Variants in ERI3 observed in about 807,000 individuals in gnomAD.
ERI3 encodes ERI1 exoribonuclease 3.
A neutral mutation model predicts 44.4 loss-of-function variants in ERI3; 18 were observed. The observed-to-expected ratio is 0.41, with a 90% CI of 0.28 to 0.60. The LOEUF is 0.60. Ranked by LOEUF, ERI3 falls within the 20% of genes least tolerant of loss-of-function variation. The probability of loss-of-function intolerance (pLI) is 0.36; values close to 1 mark genes in which losing one functional copy is unlikely to be tolerated. For synonymous variants in ERI3, 183 were observed against 164.8 expected (o/e 1.11, Z -0.84); for missense variants, 294 against 435.5 (o/e 0.68, Z 2.89).
At chr1:44,238,520 C>T (rs1644360068) in intron 8 of ERI3, among the ~76,000 whole-genome samples, 1 of 152,058 alleles carries the variant, frequency 6.6e-6, no homozygotes, top group Admixed American at 6.5e-5. Context: ...CAAGCAAAGG[C>T]CTTTAGGGAA....
intron 6 of ERI3, among the ~76,000 whole-genome samples, chr1:44,291,024 T>C (rs1645496132): frequency 6.6e-6 from 1 of 152,092 alleles, no homozygotes; most frequent in Non-Finnish European, 1.5e-5. Context: ...CTGCACAAAT[T>C]GGTCCTTCCT....
At chr1:44,278,887 G>A (rs183504072) in intron 7 of ERI3, among the ~76,000 whole-genome samples, 1 of 152,302 alleles carries the variant, frequency 6.6e-6, no homozygotes, top group African/African-American at 2.4e-5. Context: ...ACAGGCATGA[G>A]CCACTGCATC....
intron 7 of ERI3, among the ~76,000 whole-genome samples, chr1:44,268,944 A>C (rs1176693473): frequency 6.6e-6 from 1 of 152,168 alleles, no homozygotes; most frequent in Non-Finnish European, 1.5e-5. Context: ...AAGCCAGCCC[A>C]AAATGTGACA....
At chr1:44,335,108 G>A (rs1032838419) in intron 3 of ERI3, among the ~76,000 whole-genome samples, 7 of 152,272 alleles carry the variant, frequency 4.6e-5, no homozygotes, top group South Asian at 2.1e-4. Flanking sequence ...AGGAGGCCGA[G>A]GTGGAAGTAT....
At chr1:44,349,648 A>C (rs745682190) in intron 2 of ERI3, among the ~76,000 whole-genome samples, 11 of 152,250 alleles carry the variant, frequency 7.2e-5, no homozygotes, top group Non-Finnish European at 1.3e-4. Flanking sequence ...AGTCACCCAA[A>C]TACTGGCTGC....
At chr1:44,324,802 A>T (rs911818128) in intron 3 of ERI3, among the ~76,000 whole-genome samples, 26 of 152,068 alleles carry the variant, frequency 1.7e-4, no homozygotes, top group African/African-American at 6.3e-4. Context: ...TTCAATGCTA[A>T]CACTGAAACA....
At chr1:44,247,163 C>G (rs1644571591) in intron 8 of ERI3, among the ~76,000 whole-genome samples, 1 of 152,162 alleles carries the variant, frequency 6.6e-6, no homozygotes, top group African/African-American at 2.4e-5. Flanking sequence ...CTGTTACACG[C>G]TCCCCAACAG....
Position 44,221,842 on chromosome 1 carries a change from G to A in ERI3, c.932-202C>T, listed in dbSNP as rs1354196241. 6.6e-6 allele frequency among the ~76,000 whole-genome samples: 1 copy of A among 152,146 alleles called. No homozygotes were observed. The highest frequency in any genetic ancestry group is 1.5e-5 in the Non-Finnish European group (1 of 68,026). ...CTGGGCCGGCAGGAAGCCTGGTCTC[G>A]ATGCTTCTCAGTTCCATAATTCATG... On this transcript the variant is annotated intron_variant, in intron 8 of 8. Transcript: ENST00000372257. The surrounding 1 kb of genome is among the most constrained non-coding windows in gnomAD (Gnocchi z 5.9).
rs1194743858 is a variant in ERI3, at chr1:44,259,725, A to ACACACACACACAC, written c.832-11688_832-11687insGTGTGTGTGTGTG. 1.4e-4 allele frequency among the ~76,000 whole-genome samples: 8 copies of ACACACACACACAC among 56,420 alleles called. No homozygotes were observed. The Admixed American group carries it at 1.4e-3, about 10-fold the overall frequency. The allele number at this position is 56,420 out of a possible 152,430, so 37.0% of individuals were successfully genotyped here. A position where few individuals can be genotyped will look rare whatever the true frequency, so the allele number is the denominator to read the frequency against. ...ACACACACACACACACACACACACA[A>ACACACACACACAC]ATTAGCCAGGCATGGTGACGTGCAC... On this transcript the variant is annotated intron_variant, in intron 7 of 8. Coordinates refer to ENST00000372257, the MANE Select transcript of ERI3 (RefSeq NM_024066.3).
chr1:44,269,987 C>T (rs1645059102), intron 7 of ERI3, among the ~76,000 whole-genome samples: 1 of 152,308 alleles, frequency 6.6e-6, no homozygotes, highest in East Asian at 1.9e-4. Flanking sequence ...TACTGATAAA[C>T]ATGGTGAAAC....
chr1:44,331,883 A>G lies in ERI3; in HGVS notation c.489+7162T>C, dbSNP rs866124800. ...TGAAAACTATGCAGCCCTCCCCCAC[A>G]CTGTGAGCAGGGTTGATCATTCCCA... On this transcript the variant is annotated intron_variant, in intron 3 of 8. Coordinates refer to ENST00000372257, the MANE Select transcript of ERI3 (RefSeq NM_024066.3). Among the ~76,000 whole-genome samples the G allele has an allele frequency of 2.6e-5, 4 of 152,036 alleles. No homozygotes were observed. In the South Asian group the frequency reaches 6.3e-4, roughly 24 times the overall value.
rs1460400186 is a variant in ERI3, at chr1:44,281,601, A to AAAAAAT, written c.831+3233_831+3234insATTTTT. Among the ~76,000 whole-genome samples the AAAAAAT allele has an allele frequency of 6.9e-3, 883 of 127,934 alleles. 1 individual carries two copies. The highest frequency in any genetic ancestry group is 0.016 in the East Asian group (77 of 4,798). The allele number at this position is 127,934 out of a possible 152,430, so 83.9% of individuals were successfully genotyped here. A position where few individuals can be genotyped will look rare whatever the true frequency, so the allele number is the denominator to read the frequency against. On this transcript the variant is annotated intron_variant, in intron 7 of 8. Transcript: ENST00000372257. ...AGACCCCGTCTCGAAAAAAAAAAAA[A>AAAAAAT]ATATATATATATATATATAATATAT...
chr1:44,300,942 C>T (rs533747212), intron 6 of ERI3, among the ~76,000 whole-genome samples: 27 of 152,210 alleles, frequency 1.8e-4, no homozygotes, highest in African/African-American at 5.8e-4. Flanking sequence ...AATGGCATCC[C>T]GGGCTCTGCA....
chr1:44,246,694 G>C (rs1278066631), intron 8 of ERI3, among the ~76,000 whole-genome samples: 1 of 152,218 alleles, frequency 6.6e-6, no homozygotes, highest in African/African-American at 2.4e-5. Context: ...GGTGTTTTCT[G>C]TCACAGCCCT....
chr1:44,239,051 C>T (rs1487083057), intron 8 of ERI3, among the ~76,000 whole-genome samples: 5 of 134,774 alleles, frequency 3.7e-5, no homozygotes. Flanking sequence ...AATCCAGCTT[C>T]CTCCCACTCC....
chr1:44,324,695 G>T (rs1646272651), intron 3 of ERI3, among the ~76,000 whole-genome samples: 1 of 152,064 alleles, frequency 6.6e-6, no homozygotes, highest in African/African-American at 2.4e-5. Context: ...TGTTAGCCAG[G>T]ATGGTCTCAA....
At chr1:44,324,202 G>A (rs1040066423) in intron 3 of ERI3, among the ~76,000 whole-genome samples, 6 of 152,194 alleles carry the variant, frequency 3.9e-5, no homozygotes, top group African/African-American at 1.4e-4. Flanking sequence ...GCTAAGTGGA[G>A]GAGACAAGCC....
At chr1:44,319,164 G>A (rs1383451881) in intron 4 of ERI3, among the ~76,000 whole-genome samples, 3 of 152,144 alleles carry the variant, frequency 2.0e-5, no homozygotes, top group East Asian at 1.9e-4. Flanking sequence ...CTCTTCCCTC[G>A]GTGACAGAAT....
In ERI3 at chr1:44,354,883, A is replaced by G; in HGVS notation, c.135+9T>C. The G allele has an allele frequency of 7.6e-7, 1 of 1,315,864 alleles. No individual in the cohort carries two copies. The highest frequency in any genetic ancestry group is 2.8e-5 in the East Asian group (1 of 35,650). The allele number at this position is 1,315,864 out of a possible 1,614,324, so 81.5% of individuals were successfully genotyped here. ...CCCAATCTTGGCGGGGCCATTCAGC[A>G]TCACCCACCCCGGGGTGTTGCCCCC... On this transcript the variant is annotated intron_variant, in intron 1 of 8. Coordinates refer to ENST00000372257, the MANE Select transcript of ERI3 (RefSeq NM_024066.3).
Sources: allele counts gnomAD v4.1 joint callset (sites outside exome capture counted in the v4.1 genomes callset), GRCh38; gene constraint gnomAD v4.1.1; non-coding constraint Gnocchi (gnomAD v3.1); transcripts MANE v1.5; gene names NCBI Gene and HGNC (gene_info 2026-07-23, HGNC 2026-07-21).